The following ASTN2 variants were observed in gnomAD, a reference collection of about 807,000 sequenced individuals.
The protein encoded by ASTN2 is astrotactin 2, also known as astrotactin-2.
In ASTN2, 54 loss-of-function variants were observed where a neutral mutation model predicts 139.8. The observed-to-expected ratio is 0.39, with a 90% CI of 0.31 to 0.48. ASTN2 has a LOEUF of 0.48. ASTN2 is among the 20% of genes least tolerant of loss of function. ASTN2 has a pLI of 0.95. For synonymous variants in ASTN2, 756 were observed against 719.5 expected, an observed-to-expected ratio of 1.05 and a Z score of -0.81; for missense variants, 1,565 against 1,725.1, an observed-to-expected ratio of 0.91 and a Z score of 1.64.
chr9:117,162,983 C>T (rs910969196), intron 3 of ASTN2, among the ~76,000 whole-genome samples: 2 of 152,030 alleles, frequency 1.3e-5, no homozygotes, highest in Non-Finnish European at 2.9e-5. Context: ...TGCTCCCAGA[C>T]AAAGATCTTT....
chr9:117,283,078 C>G (rs1390513232), intron 2 of ASTN2, among the ~76,000 whole-genome samples: 1 of 150,938 alleles, frequency 6.6e-6, no homozygotes, highest in Non-Finnish European at 1.5e-5. Context: ...CAAATGATCA[C>G]ACAAGAAACT....
intron 11 of ASTN2, among the ~76,000 whole-genome samples, chr9:116,856,136 C>T (rs1832733673): frequency 6.6e-6 from 1 of 152,170 alleles, no homozygotes; most frequent in Admixed American, 6.5e-5. Flanking sequence ...CTGCCTGCTG[C>T]CTTTGCATCT....
At chr9:116,584,180 T>A (rs1382075727) in intron 19 of ASTN2, 1 of 152,176 alleles carries the variant, frequency 6.6e-6, no homozygotes, top group Non-Finnish European at 1.5e-5. Flanking sequence ...GGTGGGTCAT[T>A]CATTAAACGG....
At chr9:116,719,647 T>C (rs1828417106) in intron 16 of ASTN2, among the ~76,000 whole-genome samples, 1 of 152,048 alleles carries the variant, frequency 6.6e-6, no homozygotes, top group Non-Finnish European at 1.5e-5. Flanking sequence ...GTAGAACTCA[T>C]CAGTGTGGGG....
intron 1 of ASTN2, among the ~76,000 whole-genome samples, chr9:117,407,500 C>A (rs1831030370): frequency 6.6e-6 from 1 of 152,176 alleles, no homozygotes; most frequent in Non-Finnish European, 1.5e-5. Flanking sequence ...AAGTAGTTTC[C>A]CTTCATAGTT....
intron 16 of ASTN2, among the ~76,000 whole-genome samples, chr9:116,682,393 T>G (rs1428166587): frequency 6.6e-6 from 1 of 152,166 alleles, no homozygotes. Flanking sequence ...CTGGAGAGGA[T>G]GTGGAGAAAT....
At chr9:117,073,354 T>C (rs1431957000) in intron 5 of ASTN2, among the ~76,000 whole-genome samples, 1 of 152,078 alleles carries the variant, frequency 6.6e-6, no homozygotes, top group Non-Finnish European at 1.5e-5. Context: ...TATTGCTTGG[T>C]TCATTCCACC....
intron 1 of ASTN2, among the ~76,000 whole-genome samples, chr9:117,391,663 G>A (rs939029728): frequency 1.3e-5 from 2 of 152,092 alleles, no homozygotes; most frequent in African/African-American, 4.8e-5. Flanking sequence ...ATCTCATCTT[G>A]TAAGCACATT....
At chr9:117,021,214 T>A (rs1196884574) in intron 6 of ASTN2, among the ~76,000 whole-genome samples, 2 of 152,132 alleles carry the variant, frequency 1.3e-5, no homozygotes, top group Admixed American at 6.6e-5. Flanking sequence ...AGCCTTTTTT[T>A]AAATGTGAAG....
chr9:116,574,418 A>C (rs1853641997), intron 19 of ASTN2, among the ~76,000 whole-genome samples: 1 of 152,196 alleles, frequency 6.6e-6, no homozygotes, highest in Non-Finnish European at 1.5e-5. Context: ...AGACCTGCTC[A>C]TAACTGTTCC....
intron 19 of ASTN2, among the ~76,000 whole-genome samples, chr9:116,534,754 A>G (rs1386792344): frequency 6.6e-6 from 1 of 152,094 alleles, no homozygotes; most frequent in Non-Finnish European, 1.5e-5. Flanking sequence ...GTTCTTTTAC[A>G]TTTGCTGAGG....
intron 4 of ASTN2, 117 bp downstream of exon 4, chr9:117,141,209 T>TTTATCA (rs1379773133): frequency 4.0e-5 from 44 of 1,101,976 alleles, no homozygotes; most frequent in Non-Finnish European, 5.0e-5. Flanking sequence ...AGGGAGAAAG[T>TTTATCA]GGCACAAGTT....
intron 19 of ASTN2, among the ~76,000 whole-genome samples, chr9:116,541,982 T>C (rs988779726): frequency 1.3e-5 from 2 of 152,236 alleles, no homozygotes; most frequent in Non-Finnish European, 2.9e-5. Flanking sequence ...GCCAGGATAC[T>C]GGTATCGACA....
At chr9:116,624,569 C>T (rs1856344888) in intron 17 of ASTN2, among the ~76,000 whole-genome samples, 1 of 151,982 alleles carries the variant, frequency 6.6e-6, no homozygotes, top group African/African-American at 2.4e-5. Context: ...TTTAGGTAAA[C>T]ACCCTCTACT....
At chr9:116,916,299 C>T (rs1205079621) in intron 10 of ASTN2, among the ~76,000 whole-genome samples, 4 of 152,150 alleles carry the variant, frequency 2.6e-5, no homozygotes, top group African/African-American at 9.7e-5. Context: ...GGTAGGAAGG[C>T]TGGGAGAGAG....
intron 5 of ASTN2, among the ~76,000 whole-genome samples, chr9:117,048,963 C>CTTTTTTTTTTTTTTTT (rs372277811): frequency 0.023 from 2,028 of 88,914 alleles, 376 homozygotes; most frequent in South Asian, 0.041. Flanking sequence ...TCATCCATTG[C>CTTTTTTTTTTTTTTTT]TTTTTTTTTT....
At chr9:116,830,545 A>T (rs1233009014) in intron 11 of ASTN2, among the ~76,000 whole-genome samples, 1 of 152,106 alleles carries the variant, frequency 6.6e-6, no homozygotes, top group Non-Finnish European at 1.5e-5. Flanking sequence ...TAATCCCAGC[A>T]CTTTGGGAGG....
Position 116,897,286 on chromosome 9 carries a change from A to G in ASTN2, c.1890-33553T>C, listed in dbSNP as rs551342639. On this transcript the variant is annotated intron_variant, in intron 10 of 22. Transcript: ENST00000313400. ...GTGCTCTGTGACGATTGTCAAGTCA[A>G]TCTCCTCTCTGGGCAATCAGGGTCT... 7.9e-5 allele frequency among the ~76,000 whole-genome samples: 12 copies of G among 152,330 alleles called. No individual in the cohort carries two copies. In the East Asian group the frequency reaches 1.9e-3, roughly 25 times the overall value.
chr9:117,227,929 T>C (rs1354941252), intron 2 of ASTN2, among the ~76,000 whole-genome samples: 1 of 152,198 alleles, frequency 6.6e-6, no homozygotes, highest in African/African-American at 2.4e-5. Context: ...TATCTATTTG[T>C]TATTACTATT....
Sources: gnomAD v4.1 joint callset for allele counts (sites outside exome capture counted in the v4.1 genomes callset) on GRCh38, gnomAD v4.1.1 for gene constraint, MANE v1.5 for transcripts, NCBI Gene and HGNC (gene_info 2026-07-23, HGNC 2026-07-21) for gene names.